The following APOO variants were observed in gnomAD, a reference collection of about 807,000 sequenced individuals.
APOO encodes apolipoprotein O, also known as MICOS complex subunit MIC26.
Under a neutral mutation model 23.1 loss-of-function variants are expected in APOO, and 11 were observed. The observed-to-expected ratio is 0.48, with a 90% CI of 0.30 to 0.79. The LOEUF (loss-of-function observed/expected upper bound fraction) is 0.79. Among genes scored for constraint, APOO ranks in the 30% least tolerant of loss-of-function variants. The pLI, the probability that APOO is intolerant of heterozygous loss-of-function variation, is 0.07. For missense variants in APOO, 160 were observed against 142.7 expected (o/e 1.12, Z -0.62); for synonymous variants, 59 against 54.8 (o/e 1.08, Z -0.34).
At chrX:23,864,779 T>G (rs1188833600) in intron 5 of APOO, among the ~76,000 whole-genome samples, 5 of 111,864 alleles carry the variant, frequency 4.5e-5, no homozygotes, top group Non-Finnish European at 7.5e-5. Context: ...TTGCATGAAT[T>G]GAAAGGGTAT....
intron 7 of APOO, among the ~76,000 whole-genome samples, chrX:23,844,171 G>C (rs1234912079): frequency 8.9e-6 from 1 of 112,133 alleles, no homozygotes; most frequent in Non-Finnish European, 1.9e-5. Context: ...CTCACAGCAA[G>C]TAAGTGCTCA....
At position 23,856,313 on chromosome X, in the gene APOO, T is replaced by C. The variant is rs1435558569; in HGVS notation, c.550A>G (p.Asn184Asp). Residue 184 changes from asparagine to aspartate, a missense_variant, in exon 7 of 9, where the codon AAC becomes GAC. By Grantham distance (23) the Asn-to-Asp change is conservative (BLOSUM62 1). Coordinates refer to ENST00000379226, the MANE Select transcript of APOO (RefSeq NM_024122.5). ...AAGATGCTCCTCACCTTTTGAAAGT[T>C]CTCCTTCCACAAATCTTCTATGACT... ...YIVIEDLWKE[N>D]FQKPGNVKNS... 8.3e-7 allele frequency: 1 copy of C among 1,207,412 alleles called. No individual in the cohort carries two copies. The highest frequency in any genetic ancestry group is 1.1e-6 in the Non-Finnish European group (1 of 893,868).
chrX:23,835,405 A>C (rs1238954317), intron 8 of APOO, among the ~76,000 whole-genome samples: 1 of 111,840 alleles, frequency 8.9e-6, no homozygotes, highest in South Asian at 3.7e-4. Context: ...GTGACTATTC[A>C]CTTGATCTTT....
intron 7 of APOO, among the ~76,000 whole-genome samples, chrX:23,854,704 G>A (rs1292280227): frequency 9.6e-6 from 1 of 103,817 alleles, no homozygotes; most frequent in Non-Finnish European, 1.9e-5. Context: ...TATTTTTTTA[G>A]TAGAGACAGG....
At chrX:23,872,810 G>T (rs1460595242) in intron 4 of APOO, among the ~76,000 whole-genome samples, 1 of 110,446 alleles carries the variant, frequency 9.1e-6, no homozygotes, top group African/African-American at 3.3e-5. Flanking sequence ...CAGCACTTTG[G>T]GGGGCTGAGG....
At chrX:23,892,861 T>A (rs763248741) in intron 1 of APOO, among the ~76,000 whole-genome samples, 2 of 108,416 alleles carry the variant, frequency 1.8e-5, no homozygotes, top group East Asian at 5.9e-4. Flanking sequence ...CTGACAGCAT[T>A]TTTCACTCGA....
chrX:23,893,095 C>T, intron 1 of APOO, among the ~76,000 whole-genome samples: 1 of 109,800 alleles, frequency 9.1e-6, no homozygotes, highest in Non-Finnish European at 1.9e-5. Context: ...CACTGTTGTC[C>T]TCAGTAACGT....
chrX:23,834,303 G>A (rs764811773), intron 8 of APOO, among the ~76,000 whole-genome samples: 5 of 104,736 alleles, frequency 4.8e-5, no homozygotes, highest in Non-Finnish European at 7.8e-5. Context: ...GGCTGAGGCA[G>A]TAGAATTGCT....
rs113614830 is a variant in APOO at position 23,847,649 on chromosome X, G to GA, written c.562-7273dup. On this transcript the variant is annotated intron_variant, in intron 7 of 8. Transcript: ENST00000379226. The stretch of plus-strand genomic sequence containing the variant: ...TCAAAAAAAAGAAAAGAAAAGAAAA[G>GA]AAACAGGGTCTCGCTCTGTCACCCA... 6.1e-3 allele frequency among the ~76,000 whole-genome samples: 657 copies of GA among 107,868 alleles called. 10 individuals are homozygous for GA. Among genetic ancestry groups the GA allele is most frequent in the African/African-American group, 0.021 (628 of 29,815 alleles). 93.7% of individuals were successfully genotyped at this position (107,868 alleles called of 115,157 possible).
At chrX:23,897,038 C>T (rs778059215) in intron 1 of APOO, among the ~76,000 whole-genome samples, 2 of 111,733 alleles carry the variant, frequency 1.8e-5, no homozygotes, top group East Asian at 5.6e-4. Context: ...TTCTGTACTA[C>T]AGTAATTGGT....
At chrX:23,850,759 G>A (rs1300023161) in intron 7 of APOO, among the ~76,000 whole-genome samples, 2 of 111,403 alleles carry the variant, frequency 1.8e-5, no homozygotes, top group East Asian at 2.8e-4. Flanking sequence ...CCCAGCAGGC[G>A]GAAGTTGCAG....
intron 8 of APOO, among the ~76,000 whole-genome samples, chrX:23,834,347 G>A (rs1168043790): frequency 3.1e-5 from 3 of 97,527 alleles, no homozygotes; most frequent in Non-Finnish European, 4.0e-5. Flanking sequence ...AGTGAACCAA[G>A]ACTGAGCCAC....
At chrX:23,882,263 A>G (rs959508333) in intron 1 of APOO, among the ~76,000 whole-genome samples, 2 of 112,299 alleles carry the variant, frequency 1.8e-5, no homozygotes, top group Non-Finnish European at 3.8e-5. Context: ...AATGGCTTTC[A>G]GCTCTTTATT....
chrX:23,876,451 G>C (rs1358995774), intron 3 of APOO, among the ~76,000 whole-genome samples: 1 of 101,991 alleles, frequency 9.8e-6, no homozygotes, highest in Non-Finnish European at 2.0e-5. Context: ...AAAAACTTCA[G>C]ATCAATATCT....
At chrX:23,897,786 A>C (rs1309487856) in intron 1 of APOO, among the ~76,000 whole-genome samples, 2 of 110,397 alleles carry the variant, frequency 1.8e-5, no homozygotes, top group Non-Finnish European at 3.8e-5. Context: ...CCAGGAGTTC[A>C]AGACCAGCCT....
At chrX:23,889,320 C>T (rs1437974482) in intron 1 of APOO, among the ~76,000 whole-genome samples, 1 of 111,113 alleles carries the variant, frequency 9.0e-6, no homozygotes, top group Non-Finnish European at 1.9e-5. Context: ...ACACTGACTG[C>T]CCAGAATTCC....
At chrX:23,867,439 C>G (rs1340157879) in intron 5 of APOO, among the ~76,000 whole-genome samples, 2 of 111,648 alleles carry the variant, frequency 1.8e-5, no homozygotes, top group African/African-American at 3.3e-5. Context: ...GCCTGCTCCC[C>G]CTTTGCCTTC....
intron 6 of APOO, among the ~76,000 whole-genome samples, chrX:23,858,296 C>T (rs1292517531): frequency 1.8e-5 from 2 of 110,750 alleles, no homozygotes; most frequent in East Asian, 5.6e-4. Context: ...AGGTTGTGAC[C>T]GGACATGCAT....
chrX:23,850,701 C>T (rs1454127968), intron 7 of APOO, among the ~76,000 whole-genome samples: 1 of 111,475 alleles, frequency 9.0e-6, no homozygotes, highest in Non-Finnish European at 1.9e-5. Flanking sequence ...GTGGCGCATG[C>T]CTGTAGTCCT....
Sources: allele counts gnomAD v4.1 joint callset (sites outside exome capture counted in the v4.1 genomes callset), GRCh38; gene constraint gnomAD v4.1.1; transcripts MANE v1.5; gene names NCBI Gene and HGNC (gene_info 2026-07-23, HGNC 2026-07-21).